The following AHCYL2 variants were observed in gnomAD, a reference collection of about 807,000 sequenced individuals.
AHCYL2 encodes adenosylhomocysteinase like 2, also known as S-adenosylhomocysteine hydrolase-like protein 2.
A neutral mutation model predicts 81.4 loss-of-function variants in AHCYL2; 28 were observed. The ratio of observed to expected loss-of-function variants is 0.34; its 90% CI spans 0.25 to 0.47. The LOEUF is 0.47. Among genes scored for constraint, AHCYL2 ranks in the 20% least tolerant of loss-of-function variants. The probability of loss-of-function intolerance (pLI) is 1.00; values close to 1 mark genes in which losing one functional copy is unlikely to be tolerated. For synonymous variants in AHCYL2, 272 were observed against 290.2 expected (o/e 0.94, Z 0.64); for missense variants, 551 against 785.1 (o/e 0.70, Z 3.56).
At chr7:129,309,823 T>C (rs1797586875) in intron 1 of AHCYL2, among the ~76,000 whole-genome samples, 1 of 152,142 alleles carries the variant, frequency 6.6e-6, no homozygotes, top group Non-Finnish European at 1.5e-5. Flanking sequence ...TTACGTTGGT[T>C]GGTTCCCTTT....
chr7:129,263,855 T>C (rs1489829233), intron 1 of AHCYL2, among the ~76,000 whole-genome samples: 2 of 152,160 alleles, frequency 1.3e-5, no homozygotes, highest in Non-Finnish European at 2.9e-5. Flanking sequence ...GGCCTGGCAA[T>C]AGAAATGTGG....
chr7:129,386,948 G>A (rs1795231615), intron 2 of AHCYL2, among the ~76,000 whole-genome samples: 2 of 152,122 alleles, frequency 1.3e-5, no homozygotes. Flanking sequence ...GTTATATCTG[G>A]AACTGAATTT....
intron 1 of AHCYL2, among the ~76,000 whole-genome samples, chr7:129,273,628 G>A (rs1401691931): frequency 1.3e-5 from 2 of 151,892 alleles, no homozygotes; most frequent in African/African-American, 2.4e-5. Flanking sequence ...GCGCCTGGCC[G>A]ACTTCAGAAA....
rs555737120 is a variant in AHCYL2, at chr7:129,427,371, G to A, written c.*326G>A. 1.3e-5 allele frequency: 3 copies of A among 232,672 alleles called. No individual in the cohort carries two copies. The highest frequency in any genetic ancestry group is 2.5e-5 in the Non-Finnish European group (3 of 120,496). The allele number at this position is 232,672 out of a possible 1,614,324, so 14.4% of individuals were successfully genotyped here. A position where few individuals can be genotyped will look rare whatever the true frequency, so the allele number is the denominator to read the frequency against. ...AGTGGCCGTTTTTCCTCTTGTCCAG[G>A]CTCACGAGTTAGTCCAGGGATTCCA... On this transcript the variant is annotated 3_prime_UTR_variant, in exon 17 of 17. Coordinates refer to ENST00000325006, the MANE Select transcript of AHCYL2 (RefSeq NM_015328.4). This position sits in a 1 kb window ranked among gnomAD's most constrained non-coding sequence, Gnocchi z 5.5.
At chr7:129,251,317 ATTTTTT>A (rs3042851) in intron 1 of AHCYL2, among the ~76,000 whole-genome samples, 32 of 119,484 alleles carry the variant, frequency 2.7e-4, no homozygotes, top group African/African-American at 8.5e-4. Flanking sequence ...GATAGTAAAG[ATTTTTT>A]TTTTTTTTTT....
At position 129,225,118 on chromosome 7, in the gene AHCYL2, G is replaced by C. The variant is rs751851006; in HGVS notation, c.42G>C (p.Val14=). ...TGTCAGCCGCGGCTGCCGCCAAGGT[G>C]CCTGAGGTGGAGCTGAAGGACCTGA... The part of the protein sequence containing the change: ...QVVSAAAAAK[V]PEVELKDLSP... Residue 14 remains valine (V), a synonymous_variant, in exon 1 of 17, where the codon GTG becomes GTC. Coordinates refer to ENST00000325006, the MANE Select transcript of AHCYL2 (RefSeq NM_015328.4). 8.1e-6 allele frequency: 13 copies of C among 1,601,992 alleles called. No homozygotes were observed. The Admixed American group carries it at 2.0e-4, about 25-fold the overall frequency.
intron 1 of AHCYL2, among the ~76,000 whole-genome samples, chr7:129,295,680 A>T (rs1797028178): frequency 6.6e-6 from 1 of 152,244 alleles, no homozygotes; most frequent in African/African-American, 2.4e-5. Flanking sequence ...TTGTAAATTT[A>T]TGCCTAATTA....
chr7:129,354,303 A>G (rs1288328137), intron 1 of AHCYL2, among the ~76,000 whole-genome samples: 1 of 152,132 alleles, frequency 6.6e-6, no homozygotes, highest in Non-Finnish European at 1.5e-5. Context: ...TATAGGTTTG[A>G]GTATTGAGAA....
At chr7:129,397,041 C>T (rs1795777982) in intron 4 of AHCYL2, among the ~76,000 whole-genome samples, 181 bp from the exon 5 acceptor site, 1 of 152,330 alleles carries the variant, frequency 6.6e-6, no homozygotes, top group Non-Finnish European at 1.5e-5. Flanking sequence ...TCCCTCTTCC[C>T]ATGGCTTCCC....
chr7:129,281,090 C>T (rs1163701627), intron 1 of AHCYL2, among the ~76,000 whole-genome samples: 1 of 151,942 alleles, frequency 6.6e-6, no homozygotes, highest in African/African-American at 2.4e-5. Context: ...GTCTCGATCT[C>T]CTGACCTCAT....
chr7:129,424,747 C>A, intron 13 of AHCYL2, 127 bp from the exon 14 acceptor site: 1 of 939,730 alleles, frequency 1.1e-6, no homozygotes, highest in Non-Finnish European at 1.7e-6. Context: ...TATTGAATAG[C>A]TGCTTTTTTT....
chr7:129,372,114 A>G (rs375338388), intron 1 of AHCYL2, among the ~76,000 whole-genome samples: 1 of 152,224 alleles, frequency 6.6e-6, no homozygotes. Flanking sequence ...GGTTCTAGAC[A>G]TCCATGGAAT....
At position 129,427,087 on chromosome 7, in the gene AHCYL2, C is replaced by T. The variant is rs1438307778; in HGVS notation, c.*42C>T. ...CCAGAATTTTTAAGGAATAGAACTCCAAGCCTTTTCTCCACTACTATACAA... is the reference window on the plus strand; with the variant it reads ...CCAGAATTTTTAAGGAATAGAACTCTAAGCCTTTTCTCCACTACTATACAA... On this transcript the variant is annotated 3_prime_UTR_variant, in exon 17 of 17. Transcript: ENST00000325006. This position sits in a 1 kb window ranked among gnomAD's most constrained non-coding sequence, Gnocchi z 5.5. 2.5e-6 allele frequency: 4 copies of T among 1,571,728 alleles called. No homozygotes were observed. Among genetic ancestry groups the T allele is most frequent in the Admixed American group, 1.7e-5 (1 of 59,520 alleles).
intron 1 of AHCYL2, among the ~76,000 whole-genome samples, chr7:129,287,988 CTAAAGA>C (rs1433634778): frequency 6.6e-6 from 1 of 152,154 alleles, no homozygotes; most frequent in Non-Finnish European, 1.5e-5. Context: ...CACTATATCT[CTAAAGA>C]TAAAGACCTT....
chr7:129,398,873 G>A (rs1795879614), intron 5 of AHCYL2, among the ~76,000 whole-genome samples: 4 of 151,958 alleles, frequency 2.6e-5, no homozygotes, highest in Admixed American at 2.6e-4. Flanking sequence ...CAAACAAGAG[G>A]CTTAGGAAAG....
At chr7:129,370,981 A>G (rs1368377517) in intron 1 of AHCYL2, among the ~76,000 whole-genome samples, 1 of 152,182 alleles carries the variant, frequency 6.6e-6, no homozygotes, top group Non-Finnish European at 1.5e-5. Context: ...AAAGTACTTC[A>G]TTAGGTTGCT....
intron 1 of AHCYL2, among the ~76,000 whole-genome samples, chr7:129,276,455 T>C (rs1171633712): frequency 1.3e-5 from 2 of 148,692 alleles, no homozygotes; most frequent in Non-Finnish European, 3.0e-5. Flanking sequence ...CAGAACTGAA[T>C]GAAATTGAAA....
chr7:129,270,444 C>G (rs184288759), intron 1 of AHCYL2, among the ~76,000 whole-genome samples: 3 of 152,172 alleles, frequency 2.0e-5, no homozygotes, highest in African/African-American at 7.2e-5. Context: ...CTTCCTGTGA[C>G]TTCCCCCTCC....
rs753367425 is a variant in AHCYL2 at position 129,397,306 on chromosome 7, G to A, written c.805G>A (p.Ala269Thr). The A allele has an allele frequency of 1.2e-6, 2 of 1,614,094 alleles. No individual in the cohort carries two copies. The highest frequency in any genetic ancestry group is 4.5e-5 in the East Asian group (2 of 44,882). ...NIYSTLNEVAAALAESGFPVF... is the reference protein window; with the variant it reads ...NIYSTLNEVATALAESGFPVF... ...CTATTCCACTCTCAATGAAGTGGCT[G>A]CTGCTCTAGCAGAAAGTGGTAAGAG... is the stretch of plus-strand genomic sequence containing the variant. Residue 269 changes from alanine to threonine, a missense_variant, in exon 5 of 17, where the codon GCT becomes ACT. Physicochemically the swap from Ala to Thr is moderately conservative, Grantham distance 58 (BLOSUM62 0). Coordinates refer to ENST00000325006, the MANE Select transcript of AHCYL2 (RefSeq NM_015328.4).
Sources: gnomAD v4.1 joint callset for allele counts (sites outside exome capture counted in the v4.1 genomes callset) on GRCh38, gnomAD v4.1.1 for gene constraint, Gnocchi (gnomAD v3.1) non-coding constraint, MANE v1.5 for transcripts, NCBI Gene and HGNC (gene_info 2026-07-23, HGNC 2026-07-21) for gene names.